Variants in GUCY2C observed in about 807,000 individuals in gnomAD.
GUCY2C encodes the protein guanylyl cyclase C.
A neutral mutation model predicts 131.1 loss-of-function variants in GUCY2C; 118 were observed. The ratio of observed to expected loss-of-function variants is 0.90; its 90% CI spans 0.78 to 1.05. The LOEUF (loss-of-function observed/expected upper bound fraction) is 1.05. Ranked by LOEUF, GUCY2C falls within the 50% of genes least tolerant of loss-of-function variation. GUCY2C has a pLI of 0.00. For synonymous variants in GUCY2C, 452 were observed against 457.8 expected (o/e 0.99, Z 0.16); for missense variants, 1,161 against 1,304.4 (o/e 0.89, Z 1.69).
intron 11 of GUCY2C, among the ~76,000 whole-genome samples, chr12:14,656,977 C>A (rs1019834060): frequency 6.6e-6 from 1 of 152,204 alleles, no homozygotes; most frequent in African/African-American, 2.4e-5. Flanking sequence ...CCCCTGCATG[C>A]GCAGTTCACA....
Position 14,676,930 on chromosome 12 carries a change from A to G in GUCY2C, c.872T>C (p.Met291Thr). The change falls in exon 7 of 27, where the codon ATG (methionine) becomes ACG (threonine). Residue 291 changes from methionine to threonine, a missense_variant. Transcript: ENST00000261170. ...FEDNVTAPDYMKNVLVLTLSP... is the reference protein window; with the variant it reads ...FEDNVTAPDYTKNVLVLTLSP... The stretch of plus-strand genomic sequence containing the variant: ...CAGCGTCAGAACAAGGACATTTTTC[A>G]TATAGTCAGGGGCTGTGACATTGTC... 6.4e-7 allele frequency: 1 copy of G among 1,571,612 alleles called. No homozygotes were observed. Among genetic ancestry groups the G allele is most frequent in the Non-Finnish European group, 8.7e-7 (1 of 1,149,314 alleles).
chr12:14,656,747 C>G, intron 11 of GUCY2C, 130 bp from the exon 12 acceptor site: 2 of 511,590 alleles, frequency 3.9e-6, no homozygotes, highest in Non-Finnish European at 7.1e-6. Flanking sequence ...AGCCCAATGA[C>G]AGAACACCAT....
intron 7 of GUCY2C, among the ~76,000 whole-genome samples, 195 bp downstream of exon 7, chr12:14,676,659 C>T (rs2137081364): frequency 6.6e-6 from 1 of 152,268 alleles, no homozygotes; most frequent in Middle Eastern, 3.4e-3. Context: ...TAGTTAAGAG[C>T]TTTGATAGGG....
chr12:14,665,862 G>A (rs1396046637), intron 10 of GUCY2C: 1 of 152,212 alleles, frequency 6.6e-6, no homozygotes, highest in African/African-American at 2.4e-5. Flanking sequence ...TTCAAAGGTT[G>A]AGTTGCTGAA....
chr12:14,689,085 GATT>G (rs1319640757), intron 1 of GUCY2C, among the ~76,000 whole-genome samples: 1 of 152,192 alleles, frequency 6.6e-6, no homozygotes, highest in Non-Finnish European at 1.5e-5. Flanking sequence ...GCAGAGAATA[GATT>G]GTGGGGAACA....
intron 7 of GUCY2C, 28 bp from the exon 8 acceptor site, chr12:14,674,788 G>A (rs781758907): frequency 9.6e-6 from 15 of 1,556,448 alleles, no homozygotes; most frequent in South Asian, 2.4e-5. Flanking sequence ...ATATTAAAAC[G>A]GGTCCTTCAA....
chr12:14,681,887 T>C (rs185926369), intron 4 of GUCY2C, among the ~76,000 whole-genome samples: 1 of 152,268 alleles, frequency 6.6e-6, no homozygotes, highest in Admixed American at 6.5e-5. Context: ...AGTCCCATTA[T>C]AGATAAGTTG....
At chr12:14,652,214 G>T (rs1200194361) in intron 13 of GUCY2C, among the ~76,000 whole-genome samples, 184 bp from the exon 14 acceptor site, 1 of 151,786 alleles carries the variant, frequency 6.6e-6, no homozygotes, top group Non-Finnish European at 1.5e-5. Context: ...TTGCTCTGTT[G>T]CCCAGGCTGG....
chr12:14,662,675 C>CAAAAAAAAAAAAAAAAAA (rs35153087), intron 10 of GUCY2C, among the ~76,000 whole-genome samples: 1 of 72,100 alleles, frequency 1.4e-5, no homozygotes, highest in Non-Finnish European at 3.2e-5. Context: ...GACTCCGTCT[C>CAAAAAAAAAAAAAAAAAA]AAAAAAAAAA....
intron 3 of GUCY2C, among the ~76,000 whole-genome samples, chr12:14,683,626 A>G (rs1455386073): frequency 3.3e-5 from 5 of 152,176 alleles, no homozygotes; most frequent in Non-Finnish European, 7.3e-5. Context: ...TGCCATCTAC[A>G]CTTTGCCATG....
intron 19 of GUCY2C, among the ~76,000 whole-genome samples, chr12:14,637,550 G>A (rs1947297517): frequency 6.6e-6 from 1 of 152,086 alleles, no homozygotes; most frequent in Non-Finnish European, 1.5e-5. Flanking sequence ...CTATAAAGTT[G>A]CAGTAACCAA....
Position 14,614,937 on chromosome 12 carries a change from C to G in GUCY2C, c.2977G>C (p.Gly993Arg). 1 of 1,575,264 alleles carries G rather than the reference C, an allele frequency of 6.3e-7. No individual in the cohort carries two copies. The highest frequency in any genetic ancestry group is 8.6e-7 in the Non-Finnish European group (1 of 1,162,430). ...GTCAGCCAGTAGGTAGTCTCATTTC[C>G]TCTTCCCTGGTAAGACAAAAGAGTT... ...VRGETYLKGR[G>R]NETTYWLTGM... Residue 993 changes from glycine (G) to arginine (R), a missense_variant, in exon 26 of 27, where the codon GGA becomes CGA. Gly to Arg is a moderately radical substitution (Grantham distance 125). Transcript: ENST00000261170.
Position 14,679,696 on chromosome 12 carries a change from A to T in GUCY2C, c.791T>A (p.Val264Glu). Reference protein sequence around the residue: ...FLYKLKGDRAVAEDIVIILVD... With the variant: ...FLYKLKGDRAEAEDIVIILVD... ...TAGAATAATGACAATGTCTTCAGCC[A>T]CTGCTCGGTCACCCTTCAGCTTGTA... Residue 264 changes from valine to glutamate, a missense_variant, in exon 6 of 27, where the codon GTG (valine) becomes GAG (glutamate). Val to Glu is a moderately radical substitution (Grantham distance 121). Coordinates refer to ENST00000261170, the MANE Select transcript of GUCY2C (RefSeq NM_004963.4). 1 of 1,599,574 alleles carries T rather than the reference A, an allele frequency of 6.3e-7. No homozygotes were observed. Among genetic ancestry groups the T allele is most frequent in the Non-Finnish European group, 8.6e-7 (1 of 1,166,746 alleles).
chr12:14,649,356 T>A (rs1947592085), intron 15 of GUCY2C, among the ~76,000 whole-genome samples: 1 of 152,232 alleles, frequency 6.6e-6, no homozygotes, highest in Non-Finnish European at 1.5e-5. Flanking sequence ...TCAGCTTAAT[T>A]CTTCTAACGT....
chr12:14,619,255 C>T lies in GUCY2C; in HGVS notation c.2831G>A (p.Gly944Glu). The T allele has an allele frequency of 6.2e-7, 1 of 1,612,860 alleles. No individual in the cohort carries two copies. The highest frequency in any genetic ancestry group is 1.1e-5 in the South Asian group (1 of 91,046). ...CCTAGAGGCTGTGTTGACCGTATCT[C>T]CAAATAGACAATAACGAGGCATCTT... ...GIKMPRYCLFGDTVNTASRME... is the reference protein window; with the variant it reads ...GIKMPRYCLFEDTVNTASRME... The change falls in exon 24 of 27, where the codon GGA becomes GAA. Residue 944 changes from glycine to glutamate, a missense_variant. By Grantham distance (98) the Gly-to-Glu change is moderately conservative. Coordinates refer to ENST00000261170, the MANE Select transcript of GUCY2C (RefSeq NM_004963.4).
chr12:14,613,115 G>A lies in GUCY2C; in HGVS notation c.*2C>T, dbSNP rs747474356. On this transcript the variant is annotated 3_prime_UTR_variant, in exon 27 of 27. Transcript: ENST00000261170. The surrounding 1 kb of genome is among the most constrained non-coding windows in gnomAD (Gnocchi z 4.9). ...GTGTGAGTCCTTATACCTCATTTAG[G>A]TTTAAAAATAGGTGCTCTCCTTGTC... 2.7e-5 allele frequency: 43 copies of A among 1,611,188 alleles called. 1 individual carries two copies. In the South Asian group the frequency reaches 4.5e-4, roughly 17 times the overall value.
intron 1 of GUCY2C, among the ~76,000 whole-genome samples, chr12:14,689,879 C>T (rs1237648721): frequency 6.6e-6 from 1 of 152,202 alleles, no homozygotes; most frequent in East Asian, 1.9e-4. Flanking sequence ...CCTGCATACC[C>T]TCAGGAAGTT....
chr12:14,638,943 G>A (rs1592098353), intron 19 of GUCY2C, among the ~76,000 whole-genome samples: 1 of 152,008 alleles, frequency 6.6e-6, no homozygotes, highest in African/African-American at 2.4e-5. Context: ...CACATTCTGC[G>A]CATATGACAA....
At chr12:14,688,171 A>C in intron 1 of GUCY2C, 108 bp from the exon 2 acceptor site, 1 of 707,578 alleles carries the variant, frequency 1.4e-6, no homozygotes, top group Non-Finnish European at 2.5e-6. Context: ...TTTCAGGCCT[A>C]GGAATATTTA....
Sources: allele counts gnomAD v4.1 joint callset (sites outside exome capture counted in the v4.1 genomes callset), GRCh38; gene constraint gnomAD v4.1.1; non-coding constraint Gnocchi (gnomAD v3.1); transcripts MANE v1.5; gene names NCBI Gene and HGNC (gene_info 2026-07-23, HGNC 2026-07-21).